HDAC9: variants seen among roughly 807,000 people sequenced by gnomAD.
The protein encoded by HDAC9 is MEF-2 interacting transcription repressor (MITR) protein.
A neutral mutation model predicts 139.4 loss-of-function variants in HDAC9; 41 were observed. That is an observed-to-expected ratio of 0.29 (90% CI 0.23 to 0.38). The LOEUF (loss-of-function observed/expected upper bound fraction) is 0.38, where lower values mean the gene tolerates loss of function less well. Ranked by LOEUF, HDAC9 falls within the 10% of genes least tolerant of loss-of-function variation. The probability of loss-of-function intolerance (pLI) is 1.00; values close to 1 mark genes in which losing one functional copy is unlikely to be tolerated. For synonymous variants in HDAC9, 517 were observed against 476.2 expected (o/e 1.09, Z -1.12); for missense variants, 1,147 against 1,297.0 (o/e 0.88, Z 1.78).
intron 1 of HDAC9, among the ~76,000 whole-genome samples, chr7:18,488,873 A>G (rs145001623): frequency 2.0e-5 from 3 of 152,182 alleles, no homozygotes; most frequent in South Asian, 2.1e-4. Flanking sequence ...TGGTTGGTCT[A>G]TGTTGTGGGA....
At position 18,283,859 on chromosome 7, in the gene HDAC9, A is replaced by G. The variant is rs374041482; in HGVS notation, c.25+121510A>G. Among the ~76,000 whole-genome samples, 43 of 152,310 alleles carry G rather than the reference A, an allele frequency of 2.8e-4. No homozygotes were observed. The East Asian group carries it at 3.7e-3, about 13-fold the overall frequency. ...CAGAATCAACCACCTAATACTTTGGATTTTTGGAAAGTATTAAAAATAAAC... is the reference window on the plus strand; with the variant it reads ...CAGAATCAACCACCTAATACTTTGGGTTTTTGGAAAGTATTAAAAATAAAC... On this transcript the variant is annotated intron_variant, in intron 2 of 12. Coordinates refer to the HDAC9 transcript ENST00000417496.
In HDAC9 at chr7:18,385,917, C is replaced by CA. The variant is rs199851050; in HGVS notation, c.-42+95412dup. Among the ~76,000 whole-genome samples, 1,438 of 147,864 alleles carry CA rather than the reference C, an allele frequency of 9.7e-3. 7 individuals are homozygous for CA. Among genetic ancestry groups the CA allele is most frequent in the Non-Finnish European group, 0.015 (984 of 66,752 alleles). Reference sequence around the variant, plus strand: ...CTTTCCTTCTTCCCAGTTTGCTTGTCAAAAAAAAAACTCACATTCCATATA... The same window carrying CA: ...CTTTCCTTCTTCCCAGTTTGCTTGTCAAAAAAAAAAACTCACATTCCATATA... On this transcript the variant is annotated intron_variant, in intron 1 of 3. Coordinates refer to the HDAC9 transcript ENST00000413509.
chr7:18,436,015 A>G (rs1276873923), intron 1 of HDAC9, among the ~76,000 whole-genome samples: 3 of 151,414 alleles, frequency 2.0e-5, no homozygotes, highest in East Asian at 1.9e-4. Flanking sequence ...GCGAGGTTTC[A>G]CTATGTTGCC....
chr7:18,979,968 A>G (rs918607870), intron 25 of HDAC9, among the ~76,000 whole-genome samples: 9 of 152,150 alleles, frequency 5.9e-5, no homozygotes, highest in African/African-American at 2.2e-4. Flanking sequence ...CATTTATCCA[A>G]ACTATATTAG....
intron 1 of HDAC9, among the ~76,000 whole-genome samples, chr7:18,392,323 A>T (rs962552610): frequency 1.1e-3 from 154 of 140,752 alleles, no homozygotes; most frequent in African/African-American, 4.3e-3. Context: ...TCTCACACAC[A>T]CACACACACA....
At chr7:18,591,399 ACTT>A in intron 4 of HDAC9, 114 bp from the exon 5 acceptor site, 1 of 1,343,646 alleles carries the variant, frequency 7.4e-7, no homozygotes, top group Non-Finnish European at 9.6e-7. Flanking sequence ...CAGCGATTTT[ACTT>A]CTTAATCTTT....
intron 1 of HDAC9, among the ~76,000 whole-genome samples, chr7:18,427,325 G>T (rs1263216406): frequency 6.6e-6 from 1 of 152,056 alleles, no homozygotes; most frequent in Non-Finnish European, 1.5e-5. Context: ...AGAATACTTG[G>T]TCATTAGCAG....
chr7:18,905,988 C>T (rs1802216542), intron 22 of HDAC9, among the ~76,000 whole-genome samples: 2 of 145,492 alleles, frequency 1.4e-5, no homozygotes, highest in Admixed American at 1.4e-4. Flanking sequence ...TCCTTCCTTC[C>T]TTCTCTCTCT....
chr7:18,145,871 A>T (rs1248855309), intron 1 of HDAC9, among the ~76,000 whole-genome samples: 3 of 152,174 alleles, frequency 2.0e-5, no homozygotes, highest in African/African-American at 7.2e-5. Flanking sequence ...ACTTTGAGGA[A>T]GCTCAACCTA....
chr7:18,284,766 A>G (rs1193925362), intron 2 of HDAC9, among the ~76,000 whole-genome samples: 3 of 152,162 alleles, frequency 2.0e-5, no homozygotes, highest in African/African-American at 7.2e-5. Context: ...TATAGGGACT[A>G]GATACAGGTA....
intron 1 of HDAC9, among the ~76,000 whole-genome samples, chr7:18,349,251 C>T (rs1243886935): frequency 6.6e-6 from 1 of 151,188 alleles, no homozygotes; most frequent in East Asian, 2.0e-4. Flanking sequence ...CTGTGCACCT[C>T]TCCCTGACCT....
Position 18,455,280 on chromosome 7 carries a change from T to TA in HDAC9, c.-41-40973dup, listed in dbSNP as rs559841559. Among the ~76,000 whole-genome samples the TA allele has an allele frequency of 7.4e-3, 1,116 of 151,430 alleles. 10 individuals carry two copies. The highest frequency in any genetic ancestry group is 8.4e-3 in the Non-Finnish European group (571 of 67,732). ...TCAAGTTGATATTTGAAATAGCTTT[T>TA]AAAAAAAAAGTTAAGTCAAACCCAA... is the stretch of plus-strand genomic sequence containing the variant. On this transcript the variant is annotated intron_variant, in intron 1 of 3. Transcript: ENST00000413509.
Position 18,720,075 on chromosome 7 carries a change from C to G in HDAC9, c.1732-7505C>G, listed in dbSNP as rs563095464. Among the ~76,000 whole-genome samples the G allele has an allele frequency of 5.9e-5, 9 of 152,068 alleles. No individual in the cohort carries two copies. The South Asian group carries it at 6.2e-4, about 11-fold the overall frequency. Reference sequence around the variant, plus strand: ...TAGTACAGTAAGTTTTGAAATTAGACTCTTCTTCCTATATTAGGATATCTT... The same window carrying G: ...TAGTACAGTAAGTTTTGAAATTAGAGTCTTCTTCCTATATTAGGATATCTT... On this transcript the variant is annotated intron_variant, in intron 12 of 25. Transcript: ENST00000686413.
chr7:18,624,453 T>A (rs1841086861), intron 6 of HDAC9, among the ~76,000 whole-genome samples: 1 of 152,198 alleles, frequency 6.6e-6, no homozygotes, highest in Non-Finnish European at 1.5e-5. Flanking sequence ...TGTATTCAGA[T>A]GAGCACACAC....
chr7:18,166,656 A>G (rs1391010540), intron 2 of HDAC9, among the ~76,000 whole-genome samples: 2 of 152,234 alleles, frequency 1.3e-5, no homozygotes, highest in African/African-American at 4.8e-5. Context: ...TTCATGGTTC[A>G]ATTAATACAG....
intron 1 of HDAC9, among the ~76,000 whole-genome samples, chr7:18,378,259 G>T (rs1785149252): frequency 6.6e-6 from 1 of 152,126 alleles, no homozygotes; most frequent in African/African-American, 2.4e-5. Flanking sequence ...AAAACTATTA[G>T]AAACTTTCTT....
At chr7:18,185,619 C>T (rs779817609) in intron 2 of HDAC9, among the ~76,000 whole-genome samples, 5 of 151,980 alleles carry the variant, frequency 3.3e-5, no homozygotes, top group Non-Finnish European at 5.9e-5. Context: ...TTTTAAAAAG[C>T]CCCTTTTTTT....
At chr7:18,896,307 C>G (rs1444233758) in intron 22 of HDAC9, among the ~76,000 whole-genome samples, 3 of 152,188 alleles carry the variant, frequency 2.0e-5, no homozygotes, top group African/African-American at 7.2e-5. Flanking sequence ...AGACTAATCA[C>G]TTTAAGAGCC....
chr7:18,283,937 C>T (rs537130013), intron 2 of HDAC9, among the ~76,000 whole-genome samples: 1 of 152,152 alleles, frequency 6.6e-6, no homozygotes, highest in Non-Finnish European at 1.5e-5. Flanking sequence ...ATTCTCCCCT[C>T]TGGCCCCAGC....
Sources: gnomAD v4.1 joint callset for allele counts (sites outside exome capture counted in the v4.1 genomes callset) on GRCh38, gnomAD v4.1.1 for gene constraint, MANE v1.5 for transcripts, NCBI Gene and HGNC (gene_info 2026-07-23, HGNC 2026-07-21) for gene names.